The following HPSE2 variants were observed in gnomAD, a reference collection of about 807,000 sequenced individuals.
HPSE2 encodes the protein heparanase 2 (inactive), also known as inactive heparanase-2.
HPSE2 carries 38 observed loss-of-function variants against 60.5 expected under a neutral mutation model. The observed-to-expected ratio is 0.63, with a 90% CI of 0.48 to 0.82. The LOEUF (loss-of-function observed/expected upper bound fraction) is 0.82, where lower values mean the gene tolerates loss of function less well. Among genes scored for constraint, HPSE2 ranks in the 40% least tolerant of loss-of-function variants. The pLI is 0.00. For synonymous variants in HPSE2, 295 were observed against 293.2 expected, an observed-to-expected ratio of 1.01 and a Z score of -0.06; for missense variants, 713 against 740.4, an observed-to-expected ratio of 0.96 and a Z score of 0.43.
chr10:99,192,459 CAG>C (rs1421818904), intron 2 of HPSE2, among the ~76,000 whole-genome samples: 3 of 152,122 alleles, frequency 2.0e-5, no homozygotes, highest in Non-Finnish European at 2.9e-5. Context: ...TTTTTTTAGA[CAG>C]AGTCTCACTG....
the HPSE2 span, among the ~76,000 whole-genome samples, chr10:99,276,248 C>T: frequency 4.6e-5 from 7 of 152,294 alleles, no homozygotes; most frequent in East Asian, 3.9e-4. Context: ...ACTATATACT[C>T]GGTGCTTCAT....
At chr10:98,482,102 C>G (rs1056142934) in intron 11 of HPSE2, among the ~76,000 whole-genome samples, 1 of 152,124 alleles carries the variant, frequency 6.6e-6, no homozygotes, top group Non-Finnish European at 1.5e-5. Flanking sequence ...GTGCTCAAGT[C>G]ATAAAGTTAG....
chr10:99,077,806 T>C (rs182221439), intron 3 of HPSE2, among the ~76,000 whole-genome samples: 1 of 152,230 alleles, frequency 6.6e-6, no homozygotes, highest in East Asian at 1.9e-4. Flanking sequence ...CCTGATTTCA[T>C]TGATCATGAT....
intron 3 of HPSE2, among the ~76,000 whole-genome samples, chr10:99,013,619 G>A (rs552351703): frequency 4.3e-4 from 66 of 151,988 alleles, no homozygotes; most frequent in Non-Finnish European, 7.8e-4. Context: ...TTACAGGTGC[G>A]TGCCACCATG....
intron 7 of HPSE2, among the ~76,000 whole-genome samples, chr10:98,632,236 C>T (rs1399468565): frequency 1.3e-5 from 2 of 152,048 alleles, no homozygotes; most frequent in Non-Finnish European, 2.9e-5. Flanking sequence ...CAATAAATGG[C>T]ATTTATAACC....
chr10:99,028,872 C>G (rs1044438405), intron 3 of HPSE2, among the ~76,000 whole-genome samples: 5 of 152,096 alleles, frequency 3.3e-5, no homozygotes, highest in Admixed American at 1.3e-4. Context: ...GTGCCAAGAA[C>G]ATACACTGGG....
the HPSE2 span, among the ~76,000 whole-genome samples, chr10:99,283,961 G>A: frequency 6.6e-6 from 1 of 150,522 alleles, no homozygotes; most frequent in South Asian, 2.1e-4. Flanking sequence ...CATTTAAAAA[G>A]GAATTAACAC....
chr10:98,867,511 C>A (rs189208846), intron 3 of HPSE2, among the ~76,000 whole-genome samples: 81 of 152,132 alleles, frequency 5.3e-4, no homozygotes, highest in Non-Finnish European at 1.1e-3. Context: ...TGCTGACGAG[C>A]ATGTAGAGAA....
intron 8 of HPSE2, among the ~76,000 whole-genome samples, chr10:98,616,306 C>T (rs374551092): frequency 6.6e-6 from 1 of 152,176 alleles, no homozygotes; most frequent in Non-Finnish European, 1.5e-5. Flanking sequence ...CAAGCATAGA[C>T]ACAATGTCTG....
chr10:99,272,495 A>G, the HPSE2 span, among the ~76,000 whole-genome samples: 1 of 152,212 alleles, frequency 6.6e-6, no homozygotes, highest in Non-Finnish European at 1.5e-5. Context: ...GACAGCCCAC[A>G]GAGTGGGAGA....
chr10:98,603,314 G>A (rs781393914), intron 9 of HPSE2, among the ~76,000 whole-genome samples: 7 of 152,082 alleles, frequency 4.6e-5, no homozygotes, highest in Non-Finnish European at 1.0e-4. Context: ...ATATTTTTGT[G>A]AGTTTTACCT....
At chr10:99,185,526 G>T (rs1421040073) in intron 2 of HPSE2, among the ~76,000 whole-genome samples, 2 of 152,108 alleles carry the variant, frequency 1.3e-5, no homozygotes, top group Non-Finnish European at 2.9e-5. Context: ...TGTAATTCCA[G>T]CATTTTGGGA....
At chr10:99,257,484 T>C in the HPSE2 span, among the ~76,000 whole-genome samples, 1 of 152,222 alleles carries the variant, frequency 6.6e-6, no homozygotes, top group East Asian at 1.9e-4. Context: ...GCTGTAGGGA[T>C]GAAATAAGCC....
At chr10:99,115,464 T>TA (rs529945939) in intron 3 of HPSE2, among the ~76,000 whole-genome samples, 49 of 152,122 alleles carry the variant, frequency 3.2e-4, no homozygotes, top group African/African-American at 1.2e-3. Flanking sequence ...AATTTTTTTT[T>TA]TTTTATTTTT....
chr10:98,937,389 T>C (rs1954833787), intron 3 of HPSE2, among the ~76,000 whole-genome samples: 1 of 144,480 alleles, frequency 6.9e-6, no homozygotes, highest in South Asian at 2.1e-4. Flanking sequence ...ACCCTAATAC[T>C]GCGCTTTTCC....
At chr10:98,690,339 G>A (rs1224558909) in intron 6 of HPSE2, among the ~76,000 whole-genome samples, 1 of 152,162 alleles carries the variant, frequency 6.6e-6, no homozygotes, top group East Asian at 1.9e-4. Context: ...AGGAGATCAA[G>A]ACCATCCTGG....
At chr10:99,260,710 C>T in the HPSE2 span, among the ~76,000 whole-genome samples, 1 of 152,130 alleles carries the variant, frequency 6.6e-6, no homozygotes, top group Non-Finnish European at 1.5e-5. Flanking sequence ...ACCCACATTC[C>T]CTTGGTGGCA....
intron 3 of HPSE2, among the ~76,000 whole-genome samples, chr10:99,070,231 C>T (rs772964861): frequency 3.9e-5 from 6 of 152,074 alleles, no homozygotes; most frequent in Non-Finnish European, 5.9e-5. Context: ...TGACAAATGA[C>T]TTGGATCTAC....
chr10:99,013,446 T>C, intron 3 of HPSE2: 1 of 496,372 alleles, frequency 2.0e-6, no homozygotes, highest in African/African-American at 2.0e-5. Context: ...ATATCCTCCA[T>C]TAGGAAATGT....
Sources: allele counts gnomAD v4.1 joint callset (sites outside exome capture counted in the v4.1 genomes callset), GRCh38; gene constraint gnomAD v4.1.1; transcripts MANE v1.5; gene names NCBI Gene and HGNC (gene_info 2026-07-23, HGNC 2026-07-21).